Variants in XRRA1 observed in about 807,000 individuals in gnomAD.
XRRA1 encodes X-ray radiation resistance-associated protein 1.
Under a neutral mutation model 80.2 loss-of-function variants are expected in XRRA1, and 69 were observed. The observed-to-expected ratio is 0.86, with a 90% CI of 0.71 to 1.05. XRRA1 has a LOEUF of 1.05. Among genes scored for constraint, XRRA1 ranks in the 50% least tolerant of loss-of-function variants. The pLI is 0.00. For synonymous variants in XRRA1, 348 were observed against 389.9 expected (o/e 0.89, Z 1.27); for missense variants, 967 against 976.4 (o/e 0.99, Z 0.13).
At chr11:74,879,906 A>G (rs12292150) in intron 10 of XRRA1, among the ~76,000 whole-genome samples, 1,577 of 151,728 alleles carry the variant, frequency 0.01, 39 homozygotes, top group African/African-American at 0.036. Flanking sequence ...TGTTCATCAA[A>G]GATATGGGTC....
intron 1 of XRRA1, among the ~76,000 whole-genome samples, chr11:74,945,650 T>C (rs1358852435): frequency 1.3e-5 from 2 of 151,108 alleles, no homozygotes; most frequent in East Asian, 3.9e-4. Flanking sequence ...AAGATCTTTA[T>C]ATGGTAGAAA....
chr11:74,931,648 G>A (rs1943588786), intron 5 of XRRA1: 1 of 152,020 alleles, frequency 6.6e-6, no homozygotes, highest in South Asian at 2.1e-4. Flanking sequence ...TTTAATTCCT[G>A]TATAGTATTC....
intron 10 of XRRA1, among the ~76,000 whole-genome samples, chr11:74,874,334 T>C (rs186067906): frequency 2.5e-4 from 37 of 150,834 alleles, no homozygotes; most frequent in African/African-American, 8.8e-4. Context: ...TTTAATTAGT[T>C]AAAACAAGCC....
intron 8 of XRRA1, 31 bp downstream of exon 8, chr11:74,921,183 C>T: frequency 1.2e-6 from 2 of 1,608,932 alleles, no homozygotes; most frequent in Non-Finnish European, 1.7e-6. Flanking sequence ...TACACAAAAA[C>T]ACAGAATGGA....
At chr11:74,947,952 T>C (rs1334450324) in intron 1 of XRRA1, among the ~76,000 whole-genome samples, 1 of 152,060 alleles carries the variant, frequency 6.6e-6, no homozygotes, top group East Asian at 1.9e-4. Context: ...CTTTAACTCC[T>C]GACCTCAGGT....
At chr11:74,932,906 T>TA (rs1410283628) in intron 5 of XRRA1, among the ~76,000 whole-genome samples, 1 of 152,212 alleles carries the variant, frequency 6.6e-6, no homozygotes, top group African/African-American at 2.4e-5. Context: ...TTAGAGCCTC[T>TA]ACTCTATGGT....
chr11:74,855,027 G>A (rs2040749149), intron 12 of XRRA1, among the ~76,000 whole-genome samples: 1 of 151,568 alleles, frequency 6.6e-6, no homozygotes, highest in Non-Finnish European at 1.5e-5. Flanking sequence ...TCCAGCCTGG[G>A]CAACAGAGTG....
chr11:74,942,671 G>A (rs1432939655), intron 2 of XRRA1, among the ~76,000 whole-genome samples: 1 of 152,234 alleles, frequency 6.6e-6, no homozygotes, highest in Non-Finnish European at 1.5e-5. Context: ...TTTACTAGCT[G>A]TGTGGCCTTG....
intron 10 of XRRA1, among the ~76,000 whole-genome samples, chr11:74,888,420 G>A (rs953896253): frequency 9.9e-5 from 15 of 152,140 alleles, no homozygotes; most frequent in Admixed American, 4.6e-4. Context: ...CCATCTGTAC[G>A]TCACCATCAT....
chr11:74,882,317 C>T (rs1423205176), intron 10 of XRRA1, among the ~76,000 whole-genome samples: 7 of 151,050 alleles, frequency 4.6e-5, no homozygotes, highest in African/African-American at 1.7e-4. Context: ...CCTGAGGCTT[C>T]TGCATTCTTC....
intron 8 of XRRA1, among the ~76,000 whole-genome samples, chr11:74,909,169 A>C (rs2055307520): frequency 6.6e-6 from 1 of 152,212 alleles, no homozygotes; most frequent in Non-Finnish European, 1.5e-5. Context: ...ATAAACTTTC[A>C]GAAAGAGACC....
At chr11:74,948,571 A>AT (rs1386437739) in intron 1 of XRRA1, among the ~76,000 whole-genome samples, 1 of 152,068 alleles carries the variant, frequency 6.6e-6, no homozygotes, top group African/African-American at 2.4e-5. Context: ...ATTGGTTTTG[A>AT]TTTTTTTTAA....
chr11:74,936,069 G>A (rs759397694), intron 4 of XRRA1, among the ~76,000 whole-genome samples: 52 of 152,184 alleles, frequency 3.4e-4, no homozygotes, highest in Admixed American at 7.2e-4. Flanking sequence ...TCTGATTTAT[G>A]CAGGCACCCA....
At chr11:74,908,153 GAAAC>G (rs958076232) in intron 8 of XRRA1, among the ~76,000 whole-genome samples, 1 of 152,176 alleles carries the variant, frequency 6.6e-6, no homozygotes, top group East Asian at 1.9e-4. Flanking sequence ...TAGAGGAAGG[GAAAC>G]AAACATTTCT....
In XRRA1 at chr11:74,863,015, A is replaced by T; in HGVS notation, c.1010T>A (p.Val337Glu). The stretch of plus-strand genomic sequence containing the variant: ...TGAAAATCCAGGGTAAGATGAAAAC[A>T]CAACCTCTGAAACAGAAGAGAAACA... ...MKKDVDRTEV[V>E]FSSYPGFSTS... Residue 337 changes from valine to glutamate, a missense_variant, in exon 11 of 19, where the codon GTG (valine) becomes GAG (glutamate). By Grantham distance (121) the Val-to-Glu change is moderately radical (BLOSUM62 -2). Coordinates refer to ENST00000684022, the MANE Select transcript of XRRA1 (RefSeq NM_001378157.1). 1 of 1,602,892 alleles carries T rather than the reference A, an allele frequency of 6.2e-7. No homozygotes were observed.
At chr11:74,912,961 G>T (rs1435502890) in intron 8 of XRRA1, among the ~76,000 whole-genome samples, 1 of 152,132 alleles carries the variant, frequency 6.6e-6, no homozygotes, top group African/African-American at 2.4e-5. Flanking sequence ...CTGCAAATTG[G>T]TGCTCATCTC....
chr11:74,917,315 G>A (rs534566534), intron 8 of XRRA1, among the ~76,000 whole-genome samples: 1 of 152,312 alleles, frequency 6.6e-6, no homozygotes, highest in South Asian at 2.1e-4. Flanking sequence ...TAGGGGATGG[G>A]TAGCTGCTAC....
Position 74,936,983 on chromosome 11 carries a change from T to C in XRRA1, c.180A>G (p.Glu60=), listed in dbSNP as rs776195333. The change falls in exon 4 of 19, where the codon GAA becomes GAG. Residue 60 remains glutamate, a synonymous_variant. Transcript: ENST00000684022. The stretch of plus-strand genomic sequence containing the variant: ...ACTCAAAAGAAGTCGCCTTCAGGCT[T>C]TCCCGACGTTCAGCTTGTGCTCCAA... ...GLVGAQAERR[E]SLKATSFEFK... is the part of the protein sequence containing the mutation. 5 of 1,613,772 alleles carry C rather than the reference T, an allele frequency of 3.1e-6. No individual in the cohort carries two copies. In the African/African-American group the frequency reaches 6.7e-5, roughly 22 times the overall value.
At chr11:74,881,387 A>G (rs2047538996) in intron 10 of XRRA1, among the ~76,000 whole-genome samples, 1 of 151,206 alleles carries the variant, frequency 6.6e-6, no homozygotes, top group African/African-American at 2.5e-5. Flanking sequence ...TCCTGAATAC[A>G]GCACACTGAT....
Sources: gnomAD v4.1 joint callset for allele counts (sites outside exome capture counted in the v4.1 genomes callset) on GRCh38, gnomAD v4.1.1 for gene constraint, MANE v1.5 for transcripts, NCBI Gene and HGNC (gene_info 2026-07-23, HGNC 2026-07-21) for gene names.